CFAP54: variants seen among roughly 807,000 people sequenced by gnomAD.
The protein encoded by CFAP54 is cilia- and flagella-associated protein 54.
Under a neutral mutation model 370.4 loss-of-function variants are expected in CFAP54, and 290 were observed. The observed-to-expected ratio is 0.78, with a 90% CI of 0.71 to 0.86. The LOEUF (loss-of-function observed/expected upper bound fraction) is 0.86, where lower values mean the gene tolerates loss of function less well. CFAP54 is among the 40% of genes least tolerant of loss of function. The pLI is 0.00. For synonymous variants in CFAP54, 1,206 were observed against 1,236.5 expected, an observed-to-expected ratio of 0.98 and a Z score of 0.52; for missense variants, 3,399 against 3,528.7, an observed-to-expected ratio of 0.96 and a Z score of 0.93.
chr12:96,527,562 T>C lies in CFAP54; in HGVS notation c.1357+118T>C. 8.8e-6 allele frequency: 5 copies of C among 567,686 alleles called. 1 individual carries two copies. The highest frequency in any genetic ancestry group is 3.8e-5 in the South Asian group (1 of 26,264). 35.2% of individuals were successfully genotyped at this position (567,686 alleles called of 1,614,324 possible). On this transcript the variant is annotated intron_variant, in intron 9 of 67. Coordinates refer to ENST00000524981, the MANE Select transcript of CFAP54 (RefSeq NM_001306084.2). ...AACATTTATATTGTTTTTTTTTTTT[T>C]GTTTGGTTGTTTGTTTGTTTTTGAG... is the stretch of plus-strand genomic sequence containing the variant.
intron 48 of CFAP54, among the ~76,000 whole-genome samples, chr12:96,714,741 G>A (rs1282323680): frequency 1.3e-5 from 2 of 152,008 alleles, no homozygotes; most frequent in African/African-American, 4.8e-5. Context: ...AGTGAATGGA[G>A]ATAAATGGGT....
intron 15 of CFAP54, among the ~76,000 whole-genome samples, chr12:96,548,240 C>G (rs1027787042): frequency 4.6e-5 from 7 of 152,072 alleles, no homozygotes; most frequent in Admixed American, 3.3e-4. Context: ...AGATAAAACT[C>G]ACCTCCTCTG....
chr12:96,555,714 A>G (rs1243969298), intron 17 of CFAP54, among the ~76,000 whole-genome samples: 5 of 151,678 alleles, frequency 3.3e-5, no homozygotes, highest in African/African-American at 1.2e-4. Flanking sequence ...GTATGCAAAA[A>G]ATTATAAGAC....
At chr12:96,772,295 T>C (rs1592753128) in intron 60 of CFAP54, among the ~76,000 whole-genome samples, 1 of 152,152 alleles carries the variant, frequency 6.6e-6, no homozygotes. Flanking sequence ...AAGTCCAAAA[T>C]AGGTCTTATT....
chr12:96,580,758 C>A (rs1370821864), intron 21 of CFAP54, 69 bp downstream of exon 21: 2 of 1,180,164 alleles, frequency 1.7e-6, no homozygotes, highest in Non-Finnish European at 2.3e-6. Context: ...TAAATGAAGT[C>A]ATTGTTTTGG....
chr12:96,569,452 T>C (rs1003459743), intron 19 of CFAP54, among the ~76,000 whole-genome samples: 3 of 152,204 alleles, frequency 2.0e-5, no homozygotes, highest in African/African-American at 7.2e-5. Context: ...TAAGGAAATG[T>C]TGGCAATTCA....
At chr12:96,571,244 G>A (rs1592856604) in intron 19 of CFAP54, among the ~76,000 whole-genome samples, 1 of 152,246 alleles carries the variant, frequency 6.6e-6, no homozygotes, top group South Asian at 2.1e-4. Context: ...AGAGAGGCAG[G>A]TTTCATTTTC....
chr12:96,703,075 G>A (rs1423686545), intron 46 of CFAP54, among the ~76,000 whole-genome samples: 1 of 152,018 alleles, frequency 6.6e-6, no homozygotes, highest in African/African-American at 2.4e-5. Context: ...TATCTTCAAA[G>A]AAGGGAAAAA....
At chr12:96,726,123 T>C (rs1281862342) in intron 50 of CFAP54, among the ~76,000 whole-genome samples, 4 of 150,570 alleles carry the variant, frequency 2.7e-5, no homozygotes, top group African/African-American at 9.7e-5. Context: ...TCAGGGATAT[T>C]GGTCTAAAAT....
At chr12:96,853,556 A>T (rs573827336) in intron 66 of CFAP54, among the ~76,000 whole-genome samples, 29 of 152,288 alleles carry the variant, frequency 1.9e-4, no homozygotes, top group South Asian at 1.7e-3. Context: ...TTTTACTTAA[A>T]AGAATTTTTA....
intron 42 of CFAP54, among the ~76,000 whole-genome samples, chr12:96,687,177 C>T (rs564976523): frequency 2.6e-5 from 4 of 152,272 alleles, no homozygotes; most frequent in African/African-American, 7.2e-5. Flanking sequence ...CTCTGACCCT[C>T]CTGCCTTTCT....
chr12:96,495,115 AATT>A (rs1954935017), intron 1 of CFAP54, among the ~76,000 whole-genome samples: 1 of 151,970 alleles, frequency 6.6e-6, no homozygotes, highest in African/African-American at 2.4e-5. Context: ...TTAAAATATA[AATT>A]ATTGTCATAC....
At chr12:96,632,979 T>G (rs1487753215) in intron 32 of CFAP54, among the ~76,000 whole-genome samples, 1 of 152,170 alleles carries the variant, frequency 6.6e-6, no homozygotes, top group Non-Finnish European at 1.5e-5. Context: ...AACTGTTTTT[T>G]GATATTAGTG....
chr12:96,609,271 A>C (rs189274571), intron 26 of CFAP54, among the ~76,000 whole-genome samples: 1 of 152,350 alleles, frequency 6.6e-6, no homozygotes, highest in Admixed American at 6.5e-5. Context: ...GTCATTGTCA[A>C]GTATTAAAAA....
intron 42 of CFAP54, among the ~76,000 whole-genome samples, chr12:96,687,741 C>T (rs191429504): frequency 2.4e-4 from 37 of 152,260 alleles, no homozygotes; most frequent in African/African-American, 8.4e-4. Flanking sequence ...CACACACACA[C>T]ATACAATTTT....
At chr12:96,751,809 G>T (rs1258755973) in intron 55 of CFAP54, among the ~76,000 whole-genome samples, 1 of 151,950 alleles carries the variant, frequency 6.6e-6, no homozygotes, top group Admixed American at 6.6e-5. Flanking sequence ...TAAAATGTGG[G>T]TGAGTGCCAA....
chr12:96,563,426 C>T (rs1473117625), intron 17 of CFAP54, among the ~76,000 whole-genome samples: 1 of 152,162 alleles, frequency 6.6e-6, no homozygotes, highest in Non-Finnish European at 1.5e-5. Flanking sequence ...TGTTGATGTC[C>T]ATGACATAAA....
chr12:96,649,400 A>T (rs1956833495), intron 34 of CFAP54, among the ~76,000 whole-genome samples: 1 of 152,098 alleles, frequency 6.6e-6, no homozygotes, highest in Non-Finnish European at 1.5e-5. Flanking sequence ...GAGACTTACT[A>T]TCTAATGCAG....
At chr12:96,732,610 T>A (rs934469416) in intron 50 of CFAP54, among the ~76,000 whole-genome samples, 1 of 152,240 alleles carries the variant, frequency 6.6e-6, no homozygotes, top group African/African-American at 2.4e-5. Flanking sequence ...AAGACATTTT[T>A]AGCTGAATTT....
Sources: allele counts gnomAD v4.1 joint callset (sites outside exome capture counted in the v4.1 genomes callset), GRCh38; gene constraint gnomAD v4.1.1; transcripts MANE v1.5; gene names NCBI Gene and HGNC (gene_info 2026-07-23, HGNC 2026-07-21).